The following SEC14L1 variants were observed in gnomAD, a reference collection of about 807,000 sequenced individuals.
The protein encoded by SEC14L1 is SEC14 like lipid binding 1.
Under a neutral mutation model 85.3 loss-of-function variants are expected in SEC14L1, and 48 were observed. The ratio of observed to expected loss-of-function variants is 0.56; its 90% CI spans 0.45 to 0.72. The LOEUF is 0.72. Among genes scored for constraint, SEC14L1 ranks in the 30% least tolerant of loss-of-function variants. SEC14L1 has a pLI of 0.00. For missense variants in SEC14L1, 682 were observed against 921.4 expected, an observed-to-expected ratio of 0.74 and a Z score of 3.36; for synonymous variants, 391 against 355.5, an observed-to-expected ratio of 1.10 and a Z score of -1.12.
Position 77,214,267 on chromosome 17 carries a change from A to C in SEC14L1, c.*244A>C, listed in dbSNP as rs981430729. ...TACGTTGTGCACAAAATCCAACCAG[A>C]GCGCAAGGGCTCTCTTGAAAGAAAA... is the stretch of plus-strand genomic sequence containing the variant. On this transcript the variant is annotated 3_prime_UTR_variant, in exon 17 of 17. Transcript: ENST00000436233. The C allele has an allele frequency of 7.6e-7, 1 of 1,307,940 alleles. No homozygotes were observed. The highest frequency in any genetic ancestry group is 1.5e-5 in the African/African-American group (1 of 67,148). The allele number at this position is 1,307,940 out of a possible 1,614,324, so 81.0% of individuals were successfully genotyped here.
intron 3 of SEC14L1, chr17:77,094,550 C>G (rs1971594352): frequency 6.6e-6 from 1 of 152,342 alleles, no homozygotes; most frequent in African/African-American, 2.4e-5. Flanking sequence ...ACTGCAGAAC[C>G]TCCACCTCCC....
intron 3 of SEC14L1, among the ~76,000 whole-genome samples, chr17:77,113,458 T>C (rs1322327709): frequency 6.6e-6 from 1 of 151,748 alleles, no homozygotes; most frequent in Non-Finnish European, 1.5e-5. Flanking sequence ...AAAGAACGAG[T>C]TAAGGCTGGG....
intron 3 of SEC14L1, among the ~76,000 whole-genome samples, chr17:77,174,906 C>A (rs182623246): frequency 2.0e-5 from 3 of 152,338 alleles, no homozygotes; most frequent in African/African-American, 7.2e-5. Context: ...CAGTTCCTGT[C>A]GGTGTCCTTC....
intron 3 of SEC14L1, among the ~76,000 whole-genome samples, chr17:77,155,767 G>T (rs556699666): frequency 6.6e-6 from 1 of 152,042 alleles, no homozygotes; most frequent in Admixed American, 6.5e-5. Context: ...ACAGAATCTC[G>T]CTCTGTTGCC....
intron 3 of SEC14L1, among the ~76,000 whole-genome samples, chr17:77,123,766 G>A (rs1166250649): frequency 6.6e-6 from 1 of 152,090 alleles, no homozygotes; most frequent in Non-Finnish European, 1.5e-5. Context: ...TTAGAATCAG[G>A]TCCACCTGCT....
At chr17:77,105,159 G>T (rs1230753930) in intron 3 of SEC14L1, among the ~76,000 whole-genome samples, 1 of 152,068 alleles carries the variant, frequency 6.6e-6, no homozygotes. Context: ...AATAGAAGGG[G>T]AGGCAGGTTG....
At chr17:77,091,587 T>C (rs969894999) in intron 2 of SEC14L1, among the ~76,000 whole-genome samples, 7 of 152,138 alleles carry the variant, frequency 4.6e-5, no homozygotes, top group Non-Finnish European at 1.0e-4. Context: ...GAGTCCACAT[T>C]TTTTATTTTA....
chr17:77,142,217 C>T (rs985673141), intron 1 of SEC14L1, among the ~76,000 whole-genome samples: 4 of 152,134 alleles, frequency 2.6e-5, no homozygotes, highest in South Asian at 4.2e-4. Flanking sequence ...ATGACCTCTC[C>T]TCTGAGAGGT....
At chr17:77,209,848 CT>C (rs71160210) in intron 14 of SEC14L1, 2,633 of 157,680 alleles carry the variant, frequency 0.017, 50 homozygotes, top group Admixed American at 0.044. Context: ...GCTACTTTTT[CT>C]TTTTTTTTTT....
chr17:77,100,974 A>C (rs771745171), intron 3 of SEC14L1, among the ~76,000 whole-genome samples: 1 of 152,314 alleles, frequency 6.6e-6, no homozygotes, highest in South Asian at 2.1e-4. Context: ...ATAGGAAAAT[A>C]TAAGAGCTGG....
At position 77,214,727 on chromosome 17, in the gene SEC14L1, C is replaced by T. The variant is rs1401067505; in HGVS notation, c.*704C>T. On this transcript the variant is annotated 3_prime_UTR_variant, in exon 17 of 17. Transcript: ENST00000436233. ...ACTTTCTCTTTCCTCCTTTTCAAAT[C>T]TTTTTGATACTTTTTAGAGCAGGAT... is the stretch of plus-strand genomic sequence containing the variant. The T allele has an allele frequency of 4.1e-6, 4 of 985,362 alleles. No homozygotes were observed. The highest frequency in any genetic ancestry group is 1.7e-5 in the African/African-American group (1 of 57,232). 61.0% of individuals were successfully genotyped at this position (985,362 alleles called of 1,614,324 possible).
At chr17:77,138,565 A>G (rs1462835117), upstream of SEC14L1, among the ~76,000 whole-genome samples, 2 of 152,224 alleles carry the variant, frequency 1.3e-5, no homozygotes, top group African/African-American at 2.4e-5. Context: ...GGTTGCAGTG[A>G]GCCAAGATCG....
chr17:77,176,595 G>A (rs551213721), intron 3 of SEC14L1, among the ~76,000 whole-genome samples: 4 of 152,176 alleles, frequency 2.6e-5, no homozygotes, highest in Non-Finnish European at 5.9e-5. Flanking sequence ...TTGTTTGTTC[G>A]TTTGTTTTTG....
chr17:77,095,891 C>T (rs1254860605), intron 3 of SEC14L1, among the ~76,000 whole-genome samples: 2 of 152,006 alleles, frequency 1.3e-5, no homozygotes, highest in African/African-American at 4.8e-5. Flanking sequence ...AATGGGCGCG[C>T]TCCTCCTACA....
chr17:77,089,030 G>A (rs757201137), intron 1 of SEC14L1: 18 of 182,544 alleles, frequency 9.9e-5, no homozygotes, highest in Non-Finnish European at 2.0e-4. Flanking sequence ...CTGTAGGGAG[G>A]CCCCGTAGCC....
At chr17:77,114,165 C>A (rs1034348511) in intron 3 of SEC14L1, among the ~76,000 whole-genome samples, 1 of 152,164 alleles carries the variant, frequency 6.6e-6, no homozygotes, top group Non-Finnish European at 1.5e-5. Flanking sequence ...TGTTTGGCCA[C>A]CTGGATATCT....
chr17:77,088,771 CAG>C (rs2051243238), exon 1 of SEC14L1: 1 of 152,316 alleles, frequency 6.6e-6, no homozygotes, highest in Middle Eastern at 3.1e-3. Context: ...CAGGATGACT[CAG>C]GGCAGCCCTG....
intron 3 of SEC14L1, among the ~76,000 whole-genome samples, chr17:77,125,708 C>T (rs1016736209): frequency 1.3e-5 from 2 of 152,222 alleles, no homozygotes; most frequent in Non-Finnish European, 2.9e-5. Context: ...GGCTTTCACT[C>T]GGGGCCTTCC....
intron 3 of SEC14L1, among the ~76,000 whole-genome samples, chr17:77,117,739 T>G (rs1167085659): frequency 6.6e-6 from 1 of 152,210 alleles, no homozygotes; most frequent in Non-Finnish European, 1.5e-5. Context: ...GGGGCTTCGT[T>G]TGGGGACCTT....
Sources: gnomAD v4.1 joint callset for allele counts (sites outside exome capture counted in the v4.1 genomes callset) on GRCh38, gnomAD v4.1.1 for gene constraint, MANE v1.5 for transcripts, NCBI Gene and HGNC (gene_info 2026-07-23, HGNC 2026-07-21) for gene names.